Variants in WWC2 observed in about 807,000 individuals in gnomAD.
The protein encoded by WWC2 is WW and C2 domain containing 2, also known as protein WWC2.
In WWC2, 101 loss-of-function variants were observed where a neutral mutation model predicts 138.5. The observed-to-expected ratio is 0.73, with a 90% CI of 0.62 to 0.86. The LOEUF (loss-of-function observed/expected upper bound fraction) is 0.86. Among genes scored for constraint, WWC2 ranks in the 40% least tolerant of loss-of-function variants. The pLI is 0.00. For synonymous variants in WWC2, 558 were observed against 538.4 expected, an observed-to-expected ratio of 1.04 and a Z score of -0.50; for missense variants, 1,420 against 1,419.4, an observed-to-expected ratio of 1.00 and a Z score of -0.01.
intron 21 of WWC2, among the ~76,000 whole-genome samples, chr4:183,296,674 C>G (rs1316140630): frequency 6.6e-6 from 1 of 152,074 alleles, no homozygotes; most frequent in Admixed American, 6.5e-5. Context: ...TGGCTCACGC[C>G]TGTAATCCCA....
intron 1 of WWC2, among the ~76,000 whole-genome samples, chr4:183,156,405 G>GGCCC (rs1157504908): frequency 1.4e-5 from 2 of 143,128 alleles, no homozygotes; most frequent in African/African-American, 2.6e-5. Context: ...GCACAATCTC[G>GGCCC]ACTGCAGCCT....
chr4:183,271,174 A>G lies in WWC2; in HGVS notation c.2495A>G (p.Lys832Arg). The G allele has an allele frequency of 6.2e-7, 1 of 1,613,298 alleles. No homozygotes were observed. ...CTTCCTTCCAAGCAAATGCCTTGCA[A>G]AAAGAATGAAGAAAATGAGGACTCT... ...NLLPSKQMPC[K>R]KNEENEDSVF... The change falls in exon 16 of 23, where the codon AAA becomes AGA. Residue 832 changes from lysine to arginine, a missense_variant. Transcript: ENST00000403733.
Position 183,261,171 on chromosome 4 carries a change from G to A in WWC2, c.1548G>A (p.Gln516=). The change falls in exon 11 of 23, where the codon CAG becomes CAA. Residue 516 remains glutamine (Q), a synonymous_variant. Coordinates refer to ENST00000403733, the MANE Select transcript of WWC2 (RefSeq NM_024949.6). ...HENEVVKSPS[Q]PGQSGLCGVA... Reference sequence around the variant, plus strand: ...ACGAGGTGGTCAAGTCCCCTAGCCAGCCTGGCCAGAGTGGACTCTGTGGAG... The same window carrying A: ...ACGAGGTGGTCAAGTCCCCTAGCCAACCTGGCCAGAGTGGACTCTGTGGAG... 1 of 1,613,748 alleles carries A rather than the reference G, an allele frequency of 6.2e-7. No individual in the cohort carries two copies. Among genetic ancestry groups the A allele is most frequent in the South Asian group, 1.1e-5 (1 of 91,008 alleles).
intron 1 of WWC2, among the ~76,000 whole-genome samples, chr4:183,138,930 G>A (rs1036891643): frequency 6.6e-6 from 1 of 152,132 alleles, no homozygotes; most frequent in African/African-American, 2.4e-5. Context: ...ATGTACTACA[G>A]GTAACAGCTG....
intron 21 of WWC2, among the ~76,000 whole-genome samples, chr4:183,304,606 TCTTC>T (rs1168249244): frequency 3.3e-5 from 5 of 152,110 alleles, no homozygotes; most frequent in Admixed American, 3.3e-4. Context: ...CCCCCTCTAG[TCTTC>T]CATGTGGAAG....
At chr4:183,135,811 G>T (rs1733093254) in intron 1 of WWC2, among the ~76,000 whole-genome samples, 1 of 152,100 alleles carries the variant, frequency 6.6e-6, no homozygotes, top group Admixed American at 6.6e-5. Context: ...ATTTTTGACA[G>T]ATTTTTTGCT....
At chr4:183,212,989 A>C (rs894356519) in intron 4 of WWC2, among the ~76,000 whole-genome samples, 2 of 152,206 alleles carry the variant, frequency 1.3e-5, no homozygotes, top group African/African-American at 4.8e-5. Context: ...TGCTTCCCTC[A>C]CAAAAAGAAG....
chr4:183,283,624 C>T (rs10520555), intron 18 of WWC2, among the ~76,000 whole-genome samples: 12,956 of 152,228 alleles, frequency 0.085, 717 homozygotes, highest in South Asian at 0.17. Context: ...CTGCCTATGC[C>T]TACTGAGTTT....
intron 8 of WWC2, among the ~76,000 whole-genome samples, chr4:183,250,786 T>G: frequency 6.6e-6 from 1 of 152,200 alleles, no homozygotes; most frequent in East Asian, 1.9e-4. Context: ...AGAAACTGCA[T>G]TATCGTCCTG....
intron 4 of WWC2, among the ~76,000 whole-genome samples, chr4:183,235,522 G>T (rs994444532): frequency 2.6e-5 from 4 of 152,044 alleles, no homozygotes; most frequent in Admixed American, 2.0e-4. Flanking sequence ...TCAGCACCTG[G>T]CAACCACCAT....
intron 21 of WWC2, among the ~76,000 whole-genome samples, chr4:183,301,979 T>C (rs1015227966): frequency 6.6e-6 from 1 of 152,258 alleles, no homozygotes; most frequent in Admixed American, 6.5e-5. Context: ...TCTAATAGTA[T>C]GTGATGAACA....
intron 21 of WWC2, among the ~76,000 whole-genome samples, chr4:183,294,719 CCTT>C (rs1287085568): frequency 2.6e-5 from 4 of 151,876 alleles, no homozygotes; most frequent in African/African-American, 9.7e-5. Flanking sequence ...AAGATGAAGA[CCTT>C]CTTTGAAAAG....
rs376459643 is a variant in WWC2, at chr4:183,253,994, C to G, written c.1191C>G (p.Ala397=). 6.2e-7 allele frequency: 1 copy of G among 1,611,910 alleles called. No individual in the cohort carries two copies. The highest frequency in any genetic ancestry group is 1.7e-5 in the Admixed American group (1 of 59,614). The change falls in exon 9 of 23, where the codon GCC becomes GCG. Residue 397 remains alanine (A), a synonymous_variant. Transcript: ENST00000403733. ...GGGGAACACCAAGCAGAGCTCTGGC[C>G]GAGAGGTTTGTTTTCCTTCTGGAAA... ...SVRGTPSRAL[A]ERLRLEERRK... is the part of the protein sequence containing the mutation.
At chr4:183,237,186 T>G (rs1000044530) in intron 4 of WWC2, among the ~76,000 whole-genome samples, 1 of 152,146 alleles carries the variant, frequency 6.6e-6, no homozygotes, top group Admixed American at 6.5e-5. Flanking sequence ...ACTTCTTTAG[T>G]TAAGTTAATT....
chr4:183,223,828 T>G (rs1448915728), intron 4 of WWC2, among the ~76,000 whole-genome samples: 1 of 152,192 alleles, frequency 6.6e-6, no homozygotes, highest in Non-Finnish European at 1.5e-5. Context: ...CCTCCTGGGT[T>G]CAAGTGATTC....
chr4:183,284,270 G>A lies in WWC2; in HGVS notation c.2928G>A (p.Met976Ile). The A allele has an allele frequency of 6.2e-7, 1 of 1,613,988 alleles. No individual in the cohort carries two copies. The highest frequency in any genetic ancestry group is 1.1e-5 in the South Asian group (1 of 91,078). ...CTGATGAAGCCGCTAATGACAATATGGCAGTTCGCCCCAAAGAGCGCAGCA... is the reference window on the plus strand; with the variant it reads ...CTGATGAAGCCGCTAATGACAATATAGCAGTTCGCCCCAAAGAGCGCAGCA... ...TNTDEAANDNMAVRPKERSSL... is the reference protein window; with the variant it reads ...TNTDEAANDNIAVRPKERSSL... The change falls in exon 19 of 23, where the codon ATG becomes ATA. Residue 976 changes from methionine to isoleucine, a missense_variant. Met to Ile is a conservative substitution (Grantham distance 10). Coordinates refer to ENST00000403733, the MANE Select transcript of WWC2 (RefSeq NM_024949.6).
intron 21 of WWC2, among the ~76,000 whole-genome samples, chr4:183,306,102 C>G (rs1234200362): frequency 6.6e-6 from 1 of 151,794 alleles, no homozygotes; most frequent in Non-Finnish European, 1.5e-5. Flanking sequence ...AGAGCAACCA[C>G]TAGAAAAAAT....
At chr4:183,161,477 A>G (rs1733958068) in intron 1 of WWC2, among the ~76,000 whole-genome samples, 2 of 152,242 alleles carry the variant, frequency 1.3e-5, no homozygotes, top group South Asian at 4.1e-4. Flanking sequence ...ATGTGTGTGC[A>G]GTATGGCAGA....
intron 4 of WWC2, among the ~76,000 whole-genome samples, chr4:183,218,359 C>A (rs867119686): frequency 1.9e-4 from 28 of 150,066 alleles, no homozygotes; most frequent in Admixed American, 8.0e-4. Context: ...AAAAAAAAAA[C>A]AACTGACTAA....
Sources: gnomAD v4.1 joint callset for allele counts (sites outside exome capture counted in the v4.1 genomes callset) on GRCh38, gnomAD v4.1.1 for gene constraint, MANE v1.5 for transcripts, NCBI Gene and HGNC (gene_info 2026-07-23, HGNC 2026-07-21) for gene names.